The following RHOT1 variants were observed in gnomAD, a reference collection of about 807,000 sequenced individuals.
RHOT1 encodes the protein ras homolog family member T1.
A neutral mutation model predicts 95.3 loss-of-function variants in RHOT1; 27 were observed. The ratio of observed to expected loss-of-function variants is 0.28; its 90% CI spans 0.21 to 0.39. The LOEUF (loss-of-function observed/expected upper bound fraction) is 0.39, where lower values mean the gene tolerates loss of function less well. RHOT1 is among the 10% of genes least tolerant of loss of function. RHOT1 has a pLI of 1.00. For missense variants in RHOT1, 578 were observed against 786.7 expected (o/e 0.73, Z 3.17); for synonymous variants, 227 against 263.5 (o/e 0.86, Z 1.34).
At chr17:32,145,760 A>G (rs968259049) in intron 1 of RHOT1, among the ~76,000 whole-genome samples, 3 of 151,738 alleles carry the variant, frequency 2.0e-5, no homozygotes, top group Non-Finnish European at 4.4e-5. Flanking sequence ...CATGCCTATT[A>G]TCTCAGCACT....
At chr17:32,194,135 G>C (rs1398902175) in intron 11 of RHOT1, 28 bp downstream of exon 11, 3 of 1,606,344 alleles carry the variant, frequency 1.9e-6, no homozygotes, top group Non-Finnish European at 2.6e-6. Flanking sequence ...TTTTGTTGTT[G>C]TTGTTGTTTA....
At chr17:32,187,403 C>T (rs1316047106) in intron 8 of RHOT1, among the ~76,000 whole-genome samples, 2 of 151,780 alleles carry the variant, frequency 1.3e-5, no homozygotes, top group Non-Finnish European at 2.9e-5. Context: ...AGTCACCACA[C>T]CACCACACCC....
At chr17:32,171,480 A>C (rs2034574123) in intron 2 of RHOT1, among the ~76,000 whole-genome samples, 2 of 152,220 alleles carry the variant, frequency 1.3e-5, no homozygotes, top group Admixed American at 1.3e-4. Context: ...AAGTTCATCT[A>C]AGTCTTTTGC....
chr17:32,201,572 A>G (rs1044412782), intron 14 of RHOT1, among the ~76,000 whole-genome samples: 7 of 152,222 alleles, frequency 4.6e-5, no homozygotes, highest in African/African-American at 1.7e-4. Flanking sequence ...GCACAAGAAG[A>G]CAGCCTTTCT....
rs1274216959 is a variant in RHOT1, at chr17:32,185,797, T to C, written c.540+2525T>C. 4.7e-5 allele frequency among the ~76,000 whole-genome samples: 7 copies of C among 148,734 alleles called. No individual in the cohort carries two copies. The Admixed American group carries it at 4.7e-4, about 10-fold the overall frequency. ...GCACAGTGGTGTGATCATAGCTCAC[T>C]GCGGCCTCAAACTCCAAGGCTCAGG... On this transcript the variant is annotated intron_variant, in intron 8 of 19. Coordinates refer to ENST00000545287, the MANE Select transcript of RHOT1 (RefSeq NM_001033566.3).
In RHOT1 at chr17:32,142,567, AG is replaced by A; in HGVS notation, c.-121del. 1.4e-6 allele frequency: 1 copy of A among 722,528 alleles called. No homozygotes were observed. The highest frequency in any genetic ancestry group is 2.1e-6 in the Non-Finnish European group (1 of 478,332). 44.8% of individuals were successfully genotyped at this position (722,528 alleles called of 1,614,324 possible). On this transcript the variant is annotated 5_prime_UTR_variant, in exon 1 of 20. Transcript: ENST00000545287. ...CGGCTCTCTTGCGGGGAAGCAACTG[AG>A]GGGGCGGCGCGGCGGGCCCCGGCGG...
chr17:32,203,821 C>A, intron 15 of RHOT1, 69 bp from the exon 16 acceptor site: 2 of 1,087,882 alleles, frequency 1.8e-6, no homozygotes, highest in Non-Finnish European at 2.8e-6. Flanking sequence ...TGCACATATA[C>A]ACAGAGATGT....
chr17:32,185,178 TCTGTGCACCACAACCTCCG>T (rs2035941869), intron 8 of RHOT1, among the ~76,000 whole-genome samples: 1 of 152,024 alleles, frequency 6.6e-6, no homozygotes, highest in East Asian at 1.9e-4. Context: ...TGGTGCGATC[TCTGTGCACCACAACCTCCG>T]CCTCCCAGGT....
At chr17:32,200,877 T>A (rs2037264408) in intron 13 of RHOT1, 79 bp from the exon 14 acceptor site, 1 of 1,021,888 alleles carries the variant, frequency 9.8e-7, no homozygotes, top group Non-Finnish European at 1.5e-6. Context: ...TGCATAAAGT[T>A]TTTTTAGCTA....
At chr17:32,223,417 CTT>C (rs35956904) in intron 19 of RHOT1, among the ~76,000 whole-genome samples, 56 of 139,200 alleles carry the variant, frequency 4.0e-4, no homozygotes, top group Admixed American at 7.9e-4. Context: ...TCTTTTCTTT[CTT>C]TTTTTTTTTT....
intron 6 of RHOT1, among the ~76,000 whole-genome samples, chr17:32,181,885 T>A (rs553178626): frequency 1.1e-4 from 17 of 152,358 alleles, no homozygotes; most frequent in African/African-American, 4.1e-4. Context: ...CTTTTTCTCT[T>A]TACTCAGTAC....
At chr17:32,211,363 C>A in intron 19 of RHOT1, 125 bp downstream of exon 19, 1 of 785,542 alleles carries the variant, frequency 1.3e-6, no homozygotes, top group Non-Finnish European at 1.8e-6. Flanking sequence ...CTAACTTCCA[C>A]TAAAATTCTC....
chr17:32,176,067 A>G lies in RHOT1; in HGVS notation c.276+52A>G, dbSNP rs56236660. Reference sequence around the variant, plus strand: ...GTTGGTTTCAGTGGAGTGCTTCCAAAGTTGATTCTCAGTTTAGAATTTTAG... The same window carrying G: ...GTTGGTTTCAGTGGAGTGCTTCCAAGGTTGATTCTCAGTTTAGAATTTTAG... On this transcript the variant is annotated intron_variant, in intron 5 of 19. Transcript: ENST00000545287. The G allele has an allele frequency of 2.0e-4, 309 of 1,580,032 alleles. No individual in the cohort carries two copies. In the African/African-American group the frequency reaches 3.9e-3, roughly 20 times the overall value.
At chr17:32,149,591 C>CTATATATATATATATATA (rs1162059092) in intron 1 of RHOT1, among the ~76,000 whole-genome samples, 3 of 52,700 alleles carry the variant, frequency 5.7e-5, no homozygotes, top group African/African-American at 1.5e-4. Flanking sequence ...CCCAGCAGTT[C>CTATATATATATATATATA]TATATATATA....
At chr17:32,183,841 A>G (rs1248913578) in intron 8 of RHOT1, among the ~76,000 whole-genome samples, 1 of 152,092 alleles carries the variant, frequency 6.6e-6, no homozygotes, top group African/African-American at 2.4e-5. Flanking sequence ...ATGCGCCACC[A>G]TGCCTGGCTA....
chr17:32,190,443 A>G (rs2036404479), intron 8 of RHOT1, among the ~76,000 whole-genome samples: 1 of 152,062 alleles, frequency 6.6e-6, no homozygotes, highest in South Asian at 2.1e-4. Flanking sequence ...CGACAGAGCA[A>G]GATTCTGTCT....
intron 8 of RHOT1, among the ~76,000 whole-genome samples, chr17:32,185,278 T>G (rs1355839877): frequency 2.0e-5 from 3 of 151,900 alleles, no homozygotes; most frequent in Admixed American, 6.6e-5. Flanking sequence ...ACCCTACTAA[T>G]TTTGTATTTT....
intron 4 of RHOT1, 91 bp from the exon 5 acceptor site, chr17:32,175,871 T>C (rs1238670988): frequency 1.2e-6 from 1 of 813,426 alleles, no homozygotes; most frequent in East Asian, 2.9e-5. Flanking sequence ...TTTTCTTCCT[T>C]TCACCCGAAT....
chr17:32,203,565 G>C (rs961823620), intron 15 of RHOT1, among the ~76,000 whole-genome samples: 3 of 152,074 alleles, frequency 2.0e-5, no homozygotes, highest in African/African-American at 7.2e-5. Flanking sequence ...CATATTTCTA[G>C]ATGGGTATTA....
Sources: gnomAD v4.1 joint callset for allele counts (sites outside exome capture counted in the v4.1 genomes callset) on GRCh38, gnomAD v4.1.1 for gene constraint, MANE v1.5 for transcripts, NCBI Gene and HGNC (gene_info 2026-07-23, HGNC 2026-07-21) for gene names.